Variants in ETV1 observed in about 807,000 individuals in gnomAD.
ETV1 encodes the protein ETS variant transcription factor 1.
Under a neutral mutation model 62.3 loss-of-function variants are expected in ETV1, and 27 were observed. The ratio of observed to expected loss-of-function variants is 0.43; its 90% confidence interval spans 0.32 to 0.60. The LOEUF (loss-of-function observed/expected upper bound fraction) is 0.60. Among genes scored for constraint, ETV1 ranks in the 20% least tolerant of loss-of-function variants. ETV1 has a pLI of 0.06. For synonymous variants in ETV1, 222 were observed against 199.6 expected, an observed-to-expected ratio of 1.11 and a Z score of -0.94; for missense variants, 605 against 605.8, an observed-to-expected ratio of 1.00 and a Z score of 0.01.
chr7:13,938,840 C>T (rs1358335891), intron 7 of ETV1, among the ~76,000 whole-genome samples: 1 of 152,176 alleles, frequency 6.6e-6, no homozygotes, highest in Non-Finnish European at 1.5e-5. Flanking sequence ...TCAAAAGCTG[C>T]TTGTGCCAAG....
At chr7:13,967,972 G>C (rs764969280) in intron 6 of ETV1, among the ~76,000 whole-genome samples, 30 of 151,920 alleles carry the variant, frequency 2.0e-4, no homozygotes, top group Non-Finnish European at 3.5e-4. Flanking sequence ...GGGACAAAAA[G>C]TATAATATTT....
chr7:13,988,951 T>TCCCCCCCCC, intron 3 of ETV1, 57 bp downstream of exon 3: 1 of 1,364,932 alleles, frequency 7.3e-7, no homozygotes, highest in Non-Finnish European at 1.0e-6. Context: ...TTTCTCCCTC[T>TCCCCCCCCC]CCCCACCCCC....
At chr7:13,908,348 T>C (rs529961154) in intron 11 of ETV1, among the ~76,000 whole-genome samples, 1 of 152,250 alleles carries the variant, frequency 6.6e-6, no homozygotes, top group African/African-American at 2.4e-5. Context: ...TTTTCTTTCT[T>C]ATATGCCCTT....
intron 12 of ETV1, among the ~76,000 whole-genome samples, chr7:13,902,739 A>T (rs1451736539): frequency 6.6e-6 from 1 of 152,212 alleles, no homozygotes; most frequent in Admixed American, 6.5e-5. Context: ...GAAACTCACC[A>T]GGATGCACCT....
intron 6 of ETV1, among the ~76,000 whole-genome samples, chr7:13,958,124 A>T (rs1360210352): frequency 2.6e-5 from 4 of 152,196 alleles, no homozygotes; most frequent in Non-Finnish European, 5.9e-5. Flanking sequence ...GTATATATGC[A>T]TTGTTTAGCA....
At chr7:13,927,108 G>GT (rs1383806196) in intron 9 of ETV1, among the ~76,000 whole-genome samples, 2 of 152,082 alleles carry the variant, frequency 1.3e-5, no homozygotes, top group African/African-American at 4.8e-5. Flanking sequence ...AAGGTCTTCC[G>GT]TAAGAATAGC....
intron 13 of ETV1, 149 bp from the exon 14 acceptor site, chr7:13,896,236 T>TA (rs5882422): frequency 0.37 from 175,767 of 470,854 alleles, 14,100 homozygotes; most frequent in African/African-American, 0.42. Context: ...CAGATACACA[T>TA]AAAAAAAAAA....
At chr7:13,904,504 T>C (rs992368170) in intron 12 of ETV1, among the ~76,000 whole-genome samples, 1 of 152,206 alleles carries the variant, frequency 6.6e-6, no homozygotes, top group African/African-American at 2.4e-5. Context: ...AAGTCAACAG[T>C]TGCTATATAA....
At chr7:13,905,367 C>G (rs1489287818) in intron 12 of ETV1, among the ~76,000 whole-genome samples, 1 of 152,124 alleles carries the variant, frequency 6.6e-6, no homozygotes, top group East Asian at 1.9e-4. Flanking sequence ...TGTTTAGATT[C>G]AATACCTAAT....
intron 6 of ETV1, among the ~76,000 whole-genome samples, chr7:13,942,631 C>G (rs910440634): frequency 6.6e-6 from 1 of 152,094 alleles, no homozygotes; most frequent in Admixed American, 6.5e-5. Flanking sequence ...CTAGCTCCTA[C>G]TTATAAGTGA....
At chr7:13,962,792 A>G (rs1790344310) in intron 6 of ETV1, among the ~76,000 whole-genome samples, 1 of 152,182 alleles carries the variant, frequency 6.6e-6, no homozygotes, top group Non-Finnish European at 1.5e-5. Context: ...TAGTTTGTGC[A>G]TTATGTTATA....
intron 9 of ETV1, among the ~76,000 whole-genome samples, chr7:13,924,264 A>G (rs1785169481): frequency 6.6e-6 from 1 of 152,158 alleles, no homozygotes; most frequent in Non-Finnish European, 1.5e-5. Flanking sequence ...TCCAATGAGA[A>G]GACTCAAACT....
In ETV1 at chr7:13,894,809, AG is replaced by A. The variant is rs1250129626; in HGVS notation, c.*1056del. 1 of 232,720 alleles carries A rather than the reference AG, an allele frequency of 4.3e-6. No homozygotes were observed. The highest frequency in any genetic ancestry group is 8.5e-6 in the Non-Finnish European group (1 of 117,572). The allele number at this position is 232,720 out of a possible 1,614,324, so 14.4% of individuals were successfully genotyped here. A position where few individuals can be genotyped will look rare whatever the true frequency, so the allele number is the denominator to read the frequency against. On this transcript the variant is annotated 3_prime_UTR_variant, in exon 14 of 14. Transcript: ENST00000430479. Reference sequence around the variant, plus strand: ...ATATATGTTATCAACATAACACAGCAGTAAAAGGTTTAAATGCATATCAATG... The same window carrying A: ...ATATATGTTATCAACATAACACAGCATAAAAGGTTTAAATGCATATCAATG...
At chr7:13,977,167 C>A (rs1355904219) in intron 6 of ETV1, among the ~76,000 whole-genome samples, 1 of 152,160 alleles carries the variant, frequency 6.6e-6, no homozygotes, top group African/African-American at 2.4e-5. Context: ...AAGAACAAGA[C>A]CATCTTTCAA....
At chr7:13,951,846 G>T (rs1257722487) in intron 6 of ETV1, among the ~76,000 whole-genome samples, 2 of 152,126 alleles carry the variant, frequency 1.3e-5, no homozygotes, top group African/African-American at 4.8e-5. Context: ...CTTGATAGTA[G>T]CTGACATGTG....
At chr7:13,957,799 A>G (rs1789662815) in intron 6 of ETV1, among the ~76,000 whole-genome samples, 2 of 152,236 alleles carry the variant, frequency 1.3e-5, no homozygotes, top group African/African-American at 4.8e-5. Flanking sequence ...CCAAAAAACT[A>G]GAAAAGTATG....
At chr7:13,971,768 A>G (rs1399507272) in intron 6 of ETV1, among the ~76,000 whole-genome samples, 1 of 152,224 alleles carries the variant, frequency 6.6e-6, no homozygotes, top group African/African-American at 2.4e-5. Flanking sequence ...AAAATAACAC[A>G]TAACTTTGTT....
At chr7:13,931,087 T>C (rs1322106807) in intron 9 of ETV1, among the ~76,000 whole-genome samples, 1 of 152,160 alleles carries the variant, frequency 6.6e-6, no homozygotes, top group African/African-American at 2.4e-5. Flanking sequence ...GGGACCCCAG[T>C]AATTTTTTCT....
intron 9 of ETV1, among the ~76,000 whole-genome samples, chr7:13,915,184 C>G (rs1384717108): frequency 6.6e-6 from 1 of 152,148 alleles, no homozygotes; most frequent in African/African-American, 2.4e-5. Flanking sequence ...TGATTATACA[C>G]TTGACTAACT....
Sources: gnomAD v4.1 joint callset for allele counts (sites outside exome capture counted in the v4.1 genomes callset) on GRCh38, gnomAD v4.1.1 for gene constraint, MANE v1.5 for transcripts, NCBI Gene and HGNC (gene_info 2026-07-23, HGNC 2026-07-21) for gene names.